Variants in CD4 observed in about 807,000 individuals in gnomAD.
CD4 encodes T-cell surface glycoprotein CD4.
Under a neutral mutation model 50.5 loss-of-function variants are expected in CD4, and 25 were observed. That is an observed-to-expected ratio of 0.49 (90% confidence interval 0.36 to 0.69). The LOEUF (loss-of-function observed/expected upper bound fraction) is 0.69. Ranked by LOEUF, CD4 falls within the 30% of genes least tolerant of loss-of-function variation. The probability of loss-of-function intolerance (pLI) is 0.00; values close to 1 mark genes in which losing one functional copy is unlikely to be tolerated. For missense variants in CD4, 456 were observed against 548.5 expected (o/e 0.83, Z 1.68); for synonymous variants, 207 against 221.9 (o/e 0.93, Z 0.60).
chr12:6,803,196 G>A (rs1942616290), intron 3 of CD4, among the ~76,000 whole-genome samples: 2 of 152,080 alleles, frequency 1.3e-5, no homozygotes, highest in Admixed American at 1.3e-4. Flanking sequence ...GGACGCCTAG[G>A]CTGGAGTGCA....
intron 3 of CD4, among the ~76,000 whole-genome samples, chr12:6,805,712 T>C (rs1240641718): frequency 6.6e-6 from 1 of 152,122 alleles, no homozygotes; most frequent in African/African-American, 2.4e-5. Context: ...AAGAAAGATA[T>C]CAATTTTCCC....
At position 6,816,337 on chromosome 12, in the gene CD4, C is replaced by T. The variant is rs1555117942; in HGVS notation, c.889C>T (p.Leu297Phe). The T allele has an allele frequency of 3.1e-6, 5 of 1,614,116 alleles. No individual in the cohort carries two copies. The African/African-American group carries it at 6.7e-5, about 22-fold the overall frequency. ...GCCTCAGTATGCTGGCTCTGGAAAC[C>T]TCACCCTGGCCCTTGAAGCGAAAAC... Reference protein sequence around the residue: ...ALPQYAGSGNLTLALEAKTGK... With the variant: ...ALPQYAGSGNFTLALEAKTGK... The change falls in exon 6 of 10, where the codon CTC becomes TTC. Residue 297 changes from leucine to phenylalanine, a missense_variant. Physicochemically the swap from Leu to Phe is conservative, Grantham distance 22 (BLOSUM62 0). Transcript: ENST00000011653. This position sits in a 1 kb window ranked among gnomAD's most constrained non-coding sequence, Gnocchi z 4.9.
chr12:6,800,201 C>T lies in CD4; in HGVS notation c.49+14C>T, dbSNP rs782804022. 6 of 1,567,120 alleles carry T rather than the reference C, an allele frequency of 3.8e-6. No individual in the cohort carries two copies. The highest frequency in any genetic ancestry group is 5.2e-6 in the Non-Finnish European group (6 of 1,154,034). Reference sequence around the variant, plus strand: ...TGCTGCAACTGGGTAAGTTCTCAGACCTGGGGTCTCAATGCAGATGACGTG... The same window carrying T: ...TGCTGCAACTGGGTAAGTTCTCAGATCTGGGGTCTCAATGCAGATGACGTG... On this transcript the variant is annotated intron_variant, in intron 2 of 9. Transcript: ENST00000011653.
In CD4 at chr12:6,800,888, G is replaced by T. The variant is rs566187041; in HGVS notation, c.214+417G>T. The stretch of plus-strand genomic sequence containing the variant: ...AGCCTGAACAACATAGTGAGACTCT[G>T]TCTCTATGAAAAAAAATATATATAT... On this transcript the variant is annotated intron_variant, in intron 3 of 9. Coordinates refer to ENST00000011653, the MANE Select transcript of CD4 (RefSeq NM_000616.5). Among the ~76,000 whole-genome samples the T allele has an allele frequency of 6.6e-5, 10 of 151,444 alleles. No individual in the cohort carries two copies. In the South Asian group the frequency reaches 2.1e-3, roughly 32 times the overall value.
chr12:6,793,961 T>C (rs1280978959), intron 1 of CD4, among the ~76,000 whole-genome samples: 2 of 40,696 alleles, frequency 4.9e-5, no homozygotes, highest in South Asian at 9.1e-4. Context: ...ACCCGGCTTC[T>C]ATCTATCTAT....
intron 3 of CD4, among the ~76,000 whole-genome samples, chr12:6,813,258 T>C (rs28917497): frequency 1.3e-5 from 2 of 151,156 alleles, no homozygotes; most frequent in East Asian, 1.9e-4. Context: ...GGTTTCGCCA[T>C]GTTGCCCAGG....
chr12:6,814,008 T>G, intron 3 of CD4, 134 bp from the exon 4 acceptor site: 1 of 753,602 alleles, frequency 1.3e-6, no homozygotes, highest in East Asian at 2.5e-5. Context: ...AGACCGGGTT[T>G]CTCTGATTAG....
chr12:6,800,802 T>C (rs782714653), intron 3 of CD4, among the ~76,000 whole-genome samples: 9 of 152,210 alleles, frequency 5.9e-5, no homozygotes, highest in Admixed American at 1.3e-4. Flanking sequence ...CTCATATGTA[T>C]AATCCTAGCA....
In CD4 at chr12:6,816,261, G is replaced by T; in HGVS notation, c.813G>T (p.Lys271Asn). The T allele has an allele frequency of 6.2e-7, 1 of 1,614,232 alleles. No homozygotes were observed. Among genetic ancestry groups the T allele is most frequent in the Non-Finnish European group, 8.5e-7 (1 of 1,180,030 alleles). The part of the protein sequence containing the change: ...VSVKRVTQDP[K>N]LQMGKKLPLH... ...TAAAACGGGTTACCCAGGACCCTAA[G>T]CTCCAGATGGGCAAGAAGCTCCCGC... The change falls in exon 6 of 10, where the codon AAG (lysine) becomes AAT (asparagine). Residue 271 changes from lysine to asparagine, a missense_variant. Lys to Asn is a moderately conservative substitution (Grantham distance 94). Transcript: ENST00000011653. The surrounding 1 kb of genome is among the most constrained non-coding windows in gnomAD (Gnocchi z 4.9).
At chr12:6,814,110 T>C in intron 3 of CD4, 32 bp from the exon 4 acceptor site, 6 of 1,603,196 alleles carry the variant, frequency 3.7e-6, no homozygotes, top group Non-Finnish European at 5.1e-6. Context: ...CCAGGGCGCC[T>C]CAGTCCCCCC....
chr12:6,789,901 C>T (rs184691205), intron 1 of CD4, among the ~76,000 whole-genome samples: 5 of 152,300 alleles, frequency 3.3e-5, no homozygotes, highest in Admixed American at 2.6e-4. Flanking sequence ...GTGTCCAGAG[C>T]AATGGGTGCT....
chr12:6,805,869 G>A (rs957508803), intron 3 of CD4, among the ~76,000 whole-genome samples: 1 of 151,674 alleles, frequency 6.6e-6, no homozygotes, highest in Admixed American at 6.6e-5. Context: ...TTGAGCCCAG[G>A]TGTTCACGAC....
chr12:6,819,648 C>A lies in CD4; in HGVS notation c.*319C>A. 1 of 391,308 alleles carries A rather than the reference C, an allele frequency of 2.6e-6. No individual in the cohort carries two copies. The highest frequency in any genetic ancestry group is 4.7e-6 in the Non-Finnish European group (1 of 213,096). 24.2% of individuals were successfully genotyped at this position (391,308 alleles called of 1,614,324 possible). On this transcript the variant is annotated 3_prime_UTR_variant, in exon 10 of 10. Coordinates refer to ENST00000011653, the MANE Select transcript of CD4 (RefSeq NM_000616.5). ...GGGGAGTGTTCAGGGCCAGCCCTGG[C>A]TGGCATGGAGGGTGAGGCTGGGTGT...
At position 6,817,185 on chromosome 12, in the gene CD4, G is replaced by A. The variant is rs1555118065; in HGVS notation, c.1011G>A (p.Lys337=). The change falls in exon 7 of 10, where the codon AAG becomes AAA. Residue 337 remains lysine (K), a synonymous_variant. Transcript: ENST00000011653. ...TCEVWGPTSP[K]LMLSLKLENK... is the part of the protein sequence containing the mutation. Reference sequence around the variant, plus strand: ...AGGTGTGGGGACCCACCTCCCCTAAGCTGATGCTGAGTTTGAAACTGGAGA... The same window carrying A: ...AGGTGTGGGGACCCACCTCCCCTAAACTGATGCTGAGTTTGAAACTGGAGA... 3 of 1,614,116 alleles carry A rather than the reference G, an allele frequency of 1.9e-6. No homozygotes were observed. The highest frequency in any genetic ancestry group is 2.5e-6 in the Non-Finnish European group (3 of 1,179,966).
rs1555117853 is a variant in CD4 at position 6,816,003 on chromosome 12, G to A, written c.608-53G>A. ...GCCTCCACATGCCAACCCCACTCGT[G>A]CACCCTCATCTTCCTATCTCCTCAC... On this transcript the variant is annotated intron_variant, in intron 5 of 9. Coordinates refer to ENST00000011653, the MANE Select transcript of CD4 (RefSeq NM_000616.5). This position sits in a 1 kb window ranked among gnomAD's most constrained non-coding sequence, Gnocchi z 4.9. 2.5e-6 allele frequency: 4 copies of A among 1,609,156 alleles called. No individual in the cohort carries two copies. The highest frequency in any genetic ancestry group is 2.5e-6 in the Non-Finnish European group (3 of 1,178,104).
intron 1 of CD4, among the ~76,000 whole-genome samples, chr12:6,796,191 G>T (rs1942372085): frequency 6.6e-6 from 1 of 152,206 alleles, no homozygotes; most frequent in Non-Finnish European, 1.5e-5. Flanking sequence ...TGGCTAGACT[G>T]TCATCTCTGT....
rs782296707 is a variant in CD4 at position 6,819,379 on chromosome 12, C to G, written c.*50C>G. ...TTGCAGCCTCCCCAGGTGTCTGCCC[C>G]GCGTTTCCTGCCTGCGGACCAGATG... On this transcript the variant is annotated 3_prime_UTR_variant, in exon 10 of 10. Coordinates refer to ENST00000011653, the MANE Select transcript of CD4 (RefSeq NM_000616.5). 1.9e-6 allele frequency: 3 copies of G among 1,575,940 alleles called. No homozygotes were observed. Among genetic ancestry groups the G allele is most frequent in the Non-Finnish European group, 2.6e-6 (3 of 1,145,306 alleles).
rs73256984 is a variant in CD4 at position 6,801,264 on chromosome 12, T to C, written c.214+793T>C. 7.0e-3 allele frequency among the ~76,000 whole-genome samples: 1,050 copies of C among 150,438 alleles called. 11 individuals carry two copies. Among genetic ancestry groups the C allele is most frequent in the African/African-American group, 0.025 (1,007 of 41,060 alleles). On this transcript the variant is annotated intron_variant, in intron 3 of 9. Transcript: ENST00000011653. ...CGGCTGTAGTGGCTCACACCTGTAA[T>C]CCAGAACTTTGGGAGTTTGAGGTGG...
In CD4 at chr12:6,819,428, G is replaced by A. The variant is rs1249619838; in HGVS notation, c.*99G>A. Reference sequence around the variant, plus strand: ...TGAATGTAGCAGATCCCCAGCCTCTGGCCTCCTGTTCGCCTCCTCTACAAT... The same window carrying A: ...TGAATGTAGCAGATCCCCAGCCTCTAGCCTCCTGTTCGCCTCCTCTACAAT... On this transcript the variant is annotated 3_prime_UTR_variant, in exon 10 of 10. Transcript: ENST00000011653. 12 of 1,139,698 alleles carry A rather than the reference G, an allele frequency of 1.1e-5. No individual in the cohort carries two copies. The African/African-American group carries it at 1.8e-4, about 17-fold the overall frequency. 70.6% of individuals were successfully genotyped at this position (1,139,698 alleles called of 1,614,324 possible).
Sources: allele counts gnomAD v4.1 joint callset (sites outside exome capture counted in the v4.1 genomes callset), GRCh38; gene constraint gnomAD v4.1.1; non-coding constraint Gnocchi (gnomAD v3.1); transcripts MANE v1.5; gene names NCBI Gene and HGNC (gene_info 2026-07-23, HGNC 2026-07-21).